The following KCNH8 variants were observed in gnomAD, a reference collection of about 807,000 sequenced individuals.
The protein encoded by KCNH8 is potassium voltage-gated channel subfamily H member 8.
KCNH8 carries 70 observed loss-of-function variants against 103.6 expected under a neutral mutation model. The observed-to-expected ratio is 0.68, with a 90% confidence interval of 0.56 to 0.82. The LOEUF is 0.82. Ranked by LOEUF, KCNH8 falls within the 40% of genes least tolerant of loss-of-function variation. KCNH8 has a pLI of 0.00. For synonymous variants in KCNH8, 498 were observed against 489.4 expected (o/e 1.02, Z -0.23); for missense variants, 1,217 against 1,329.9 (o/e 0.92, Z 1.32).
intron 2 of KCNH8, among the ~76,000 whole-genome samples, chr3:19,259,134 C>T (rs1413218874): frequency 6.6e-6 from 1 of 150,922 alleles, no homozygotes; most frequent in East Asian, 1.9e-4. Flanking sequence ...CATTCATTCT[C>T]ACGTCGCCAT....
chr3:19,354,298 A>C (rs1287060046), intron 5 of KCNH8, among the ~76,000 whole-genome samples: 1 of 152,212 alleles, frequency 6.6e-6, no homozygotes, highest in Non-Finnish European at 1.5e-5. Context: ...GAAAATGGCC[A>C]TACTGCCCAA....
At chr3:19,528,162 A>G (rs1413075805) in intron 15 of KCNH8, among the ~76,000 whole-genome samples, 1 of 152,044 alleles carries the variant, frequency 6.6e-6, no homozygotes, top group Admixed American at 6.6e-5. Flanking sequence ...ACAAATAAGA[A>G]TGTATATTGT....
chr3:19,183,041 A>C (rs1247566907), intron 1 of KCNH8, among the ~76,000 whole-genome samples: 2 of 152,208 alleles, frequency 1.3e-5, no homozygotes, highest in Non-Finnish European at 2.9e-5. Flanking sequence ...CAAGTTTCTC[A>C]ACCTGATTAA....
chr3:19,226,237 T>TG (rs2063929987), intron 1 of KCNH8, among the ~76,000 whole-genome samples: 1 of 152,246 alleles, frequency 6.6e-6, no homozygotes, highest in Admixed American at 6.5e-5. Flanking sequence ...CAGTGTCTAC[T>TG]ACAGTTAGCT....
intron 3 of KCNH8, among the ~76,000 whole-genome samples, chr3:19,318,345 T>C (rs1050365233): frequency 5.9e-5 from 9 of 151,674 alleles, no homozygotes; most frequent in Non-Finnish European, 1.2e-4. Flanking sequence ...AGTTCTTTAG[T>C]TGTGATTTCT....
intron 7 of KCNH8, among the ~76,000 whole-genome samples, chr3:19,414,120 T>C (rs1411010320): frequency 1.3e-5 from 2 of 152,086 alleles, no homozygotes; most frequent in Non-Finnish European, 2.9e-5. Flanking sequence ...AATGGGACAA[T>C]CGTCCCTCTA....
At chr3:19,499,125 G>A (rs915504995) in intron 11 of KCNH8, among the ~76,000 whole-genome samples, 3 of 152,168 alleles carry the variant, frequency 2.0e-5, no homozygotes, top group Non-Finnish European at 4.4e-5. Flanking sequence ...ACCAAGGCTC[G>A]AGAACTACGT....
intron 3 of KCNH8, among the ~76,000 whole-genome samples, chr3:19,306,239 G>A (rs1422006303): frequency 6.6e-6 from 1 of 152,038 alleles, no homozygotes; most frequent in African/African-American, 2.4e-5. Context: ...GTATTAGTGA[G>A]TGATAATACA....
intron 3 of KCNH8, among the ~76,000 whole-genome samples, chr3:19,322,084 A>G (rs2065357463): frequency 6.6e-6 from 1 of 152,024 alleles, no homozygotes; most frequent in Non-Finnish European, 1.5e-5. Context: ...GAGTCCTGAC[A>G]TATCAGGTGA....
At chr3:19,182,699 C>T (rs1322416867) in intron 1 of KCNH8, among the ~76,000 whole-genome samples, 1 of 151,986 alleles carries the variant, frequency 6.6e-6, no homozygotes, top group Non-Finnish European at 1.5e-5. Flanking sequence ...CCTAGTAGGC[C>T]TCTTTACTGA....
intron 7 of KCNH8, among the ~76,000 whole-genome samples, chr3:19,427,976 C>T (rs575328427): frequency 2.6e-5 from 4 of 152,264 alleles, no homozygotes; most frequent in Non-Finnish European, 5.9e-5. Context: ...TCATTAATAT[C>T]AAAACCTTGA....
rs1043873820 is a variant in KCNH8, at chr3:19,162,172, T to C, written c.76+13377T>C. 9.2e-5 allele frequency among the ~76,000 whole-genome samples: 14 copies of C among 152,086 alleles called. No individual in the cohort carries two copies. In the East Asian group the frequency reaches 1.9e-3, roughly 21 times the overall value. On this transcript the variant is annotated intron_variant, in intron 1 of 15. Transcript: ENST00000328405. ...TTCATCTTTTAAACATTTTAACAAA[T>C]AGCAACTTTTTAAAAACAAAACTTG...
intron 15 of KCNH8, among the ~76,000 whole-genome samples, chr3:19,525,946 T>A (rs2069056450): frequency 6.6e-6 from 1 of 151,986 alleles, no homozygotes; most frequent in African/African-American, 2.4e-5. Context: ...TTGTTCTGAA[T>A]GCTTTGTAAA....
At chr3:19,526,777 T>A (rs1293771297) in intron 15 of KCNH8, among the ~76,000 whole-genome samples, 2 of 152,002 alleles carry the variant, frequency 1.3e-5, no homozygotes, top group South Asian at 4.1e-4. Flanking sequence ...CACTTCTTTA[T>A]CTTTCAGTGA....
chr3:19,413,142 G>A (rs1271509138), intron 7 of KCNH8, among the ~76,000 whole-genome samples: 6 of 89,890 alleles, frequency 6.7e-5, no homozygotes, highest in African/African-American at 1.9e-4. Flanking sequence ...GCGGTGGATT[G>A]GATAAAGAAA....
chr3:19,211,184 G>A (rs547649427), intron 1 of KCNH8, among the ~76,000 whole-genome samples: 68 of 152,266 alleles, frequency 4.5e-4, no homozygotes, highest in African/African-American at 1.6e-3. Flanking sequence ...GACTTACACT[G>A]GGGAGGCAGA....
At chr3:19,187,628 T>C (rs2063515288) in intron 1 of KCNH8, among the ~76,000 whole-genome samples, 1 of 152,120 alleles carries the variant, frequency 6.6e-6, no homozygotes, top group South Asian at 2.1e-4. Flanking sequence ...TTCAAGCATA[T>C]TTGAAACAGA....
chr3:19,417,968 T>C (rs1334273998), intron 7 of KCNH8, among the ~76,000 whole-genome samples: 1 of 152,162 alleles, frequency 6.6e-6, no homozygotes, highest in Non-Finnish European at 1.5e-5. Context: ...GACACAAAAA[T>C]ATTGTAAAAA....
chr3:19,486,696 G>T, intron 11 of KCNH8, among the ~76,000 whole-genome samples: 1 of 152,204 alleles, frequency 6.6e-6, no homozygotes, highest in South Asian at 2.1e-4. Flanking sequence ...CTCTTGTAGA[G>T]GCTCCCATTT....
Sources: allele counts gnomAD v4.1 joint callset (sites outside exome capture counted in the v4.1 genomes callset), GRCh38; gene constraint gnomAD v4.1.1; transcripts MANE v1.5; gene names NCBI Gene and HGNC (gene_info 2026-07-23, HGNC 2026-07-21).